ATP2B4: variants seen among roughly 807,000 people sequenced by gnomAD.
The protein encoded by ATP2B4 is plasma membrane calcium-transporting ATPase 4.
ATP2B4 carries 39 observed loss-of-function variants against 110.3 expected under a neutral mutation model. The observed-to-expected ratio is 0.35, with a 90% CI of 0.27 to 0.46. ATP2B4 has a LOEUF of 0.46. Ranked by LOEUF, ATP2B4 falls within the 20% of genes least tolerant of loss-of-function variation. The probability of loss-of-function intolerance (pLI) is 1.00; values close to 1 mark genes in which losing one functional copy is unlikely to be tolerated. For synonymous variants in ATP2B4, 538 were observed against 571.7 expected (o/e 0.94, Z 0.84); for missense variants, 1,135 against 1,530.9 (o/e 0.74, Z 4.32).
chr1:203,728,484 C>T (rs1053559310), intron 20 of ATP2B4, among the ~76,000 whole-genome samples: 3 of 152,162 alleles, frequency 2.0e-5, no homozygotes, highest in Non-Finnish European at 4.4e-5. Context: ...AGAAAACAGG[C>T]GTATTTCTCT....
intron 20 of ATP2B4, among the ~76,000 whole-genome samples, chr1:203,735,024 A>C (rs1666844320): frequency 6.6e-6 from 1 of 151,268 alleles, no homozygotes; most frequent in Admixed American, 6.6e-5. Flanking sequence ...AAAAAAAAAA[A>C]ACGAAGAAAA....
intron 1 of ATP2B4, among the ~76,000 whole-genome samples, chr1:203,645,056 C>T (rs1663751915): frequency 6.6e-6 from 1 of 152,210 alleles, no homozygotes; most frequent in Non-Finnish European, 1.5e-5. Flanking sequence ...TGGAAGGCCA[C>T]ACTGCTTAAC....
rs1417781794 is a variant in ATP2B4, at chr1:203,626,832, G to A, written c.-852G>A. 2 of 150,824 alleles carry A rather than the reference G, an allele frequency of 1.3e-5. No individual in the cohort carries two copies. Among genetic ancestry groups the A allele is most frequent in the South Asian group, 2.1e-4 (1 of 4,738 alleles). 9.3% of individuals were successfully genotyped at this position (150,824 alleles called of 1,614,324 possible). A position where few individuals can be genotyped will look rare whatever the true frequency, so the allele number is the denominator to read the frequency against. Reference sequence around the variant, plus strand: ...GAGCTGGTGAGCAAGAGTCTGGCCCGAGTTAGCTAGAGCTGTTGCCATGAC... The same window carrying A: ...GAGCTGGTGAGCAAGAGTCTGGCCCAAGTTAGCTAGAGCTGTTGCCATGAC... On this transcript the variant is annotated 5_prime_UTR_variant, in exon 1 of 21. Coordinates refer to ENST00000357681, the MANE Select transcript of ATP2B4 (RefSeq NM_001684.5).
rs569363653 is a variant in ATP2B4 at position 203,657,277 on chromosome 1, C to T, written c.-464-25465C>T. On this transcript the variant is annotated intron_variant, in intron 1 of 20. Transcript: ENST00000357681. ...GGTGGTTTTCTTGTAAAGCCATCTC[C>T]GACAAAGCAGAGTTTAGTAACCACC... 719 of 720,640 alleles carry T rather than the reference C, an allele frequency of 1.0e-3. 3 individuals are homozygous for T. Among genetic ancestry groups the T allele is most frequent in the Admixed American group, 8.7e-4 (40 of 46,214 alleles). The allele number at this position is 720,640 out of a possible 1,614,324, so 44.6% of individuals were successfully genotyped here.
rs1214526316 is a variant in ATP2B4 at position 203,724,865 on chromosome 1, C to CTCTTTT, written c.3132+878_3132+879insCTTTTT. 3.4e-3 allele frequency among the ~76,000 whole-genome samples: 349 copies of CTCTTTT among 101,444 alleles called. 37 individuals are homozygous for CTCTTTT. Among genetic ancestry groups the CTCTTTT allele is most frequent in the Middle Eastern group, 6.0e-3 (1 of 168 alleles). The allele number at this position is 101,444 out of a possible 152,430, so 66.6% of individuals were successfully genotyped here. On this transcript the variant is annotated intron_variant, in intron 19 of 20. Coordinates refer to ENST00000357681, the MANE Select transcript of ATP2B4 (RefSeq NM_001684.5). ...ACTGCCTGGGTTTGAATCCAGCTCTCTGTTTTTTTTTTTTTTTTTTTTTTT... is the reference window on the plus strand; with the variant it reads ...ACTGCCTGGGTTTGAATCCAGCTCTCTCTTTTTGTTTTTTTTTTTTTTTTTTTTTTT...
intron 8 of ATP2B4, among the ~76,000 whole-genome samples, chr1:203,704,936 C>T (rs1046954733): frequency 1.3e-4 from 20 of 152,130 alleles, no homozygotes; most frequent in South Asian, 4.2e-4. Context: ...GTGTGGAGCC[C>T]GAGATTCTGC....
chr1:203,722,746 G>C, intron 18 of ATP2B4, 57 bp downstream of exon 18: 1 of 1,553,138 alleles, frequency 6.4e-7, no homozygotes, highest in Non-Finnish European at 8.8e-7. Flanking sequence ...GGCAGAAGCT[G>C]GGAGCCAGGG....
At chr1:203,695,826 A>G (rs1321221890) in intron 2 of ATP2B4, among the ~76,000 whole-genome samples, 1 of 151,854 alleles carries the variant, frequency 6.6e-6, no homozygotes. Flanking sequence ...CTCTGCAAAT[A>G]ATGCTCCCTT....
At chr1:203,681,100 G>A (rs996214989) in intron 1 of ATP2B4, among the ~76,000 whole-genome samples, 4 of 152,166 alleles carry the variant, frequency 2.6e-5, no homozygotes, top group African/African-American at 7.2e-5. Flanking sequence ...GGTTCTTTGT[G>A]GATCTTCTTG....
intron 2 of ATP2B4, among the ~76,000 whole-genome samples, chr1:203,694,281 G>C (rs1170765744): frequency 2.6e-5 from 4 of 152,260 alleles, no homozygotes; most frequent in Non-Finnish European, 5.9e-5. Flanking sequence ...CCCTTGTGGA[G>C]GAGGTGGACA....
At chr1:203,723,148 G>T (rs2102217800) in intron 18 of ATP2B4, among the ~76,000 whole-genome samples, 1 of 151,892 alleles carries the variant, frequency 6.6e-6, no homozygotes, top group Admixed American at 6.6e-5. Flanking sequence ...ATTTGTACAT[G>T]TATATTACAT....
rs1214774776 is a variant in ATP2B4 at position 203,709,438 on chromosome 1, G to A, written c.1695G>A (p.Val565=). 6.2e-6 allele frequency: 10 copies of A among 1,614,100 alleles called. No homozygotes were observed. The highest frequency in any genetic ancestry group is 8.5e-6 in the Non-Finnish European group (10 of 1,180,050). ...NEVPEEKLYK[V]YTFNSVRKSM... ...TGCCCGAGGAGAAGCTCTACAAGGT[G>A]TACACCTTTAACTCAGTGCGCAAGT... The change falls in exon 11 of 21, where the codon GTG becomes GTA. Residue 565 remains valine (V), a synonymous_variant. Coordinates refer to ENST00000357681, the MANE Select transcript of ATP2B4 (RefSeq NM_001684.5).
rs184722315 is a variant in ATP2B4 at position 203,729,500 on chromosome 1, G to A, written c.3309+1929G>A. On this transcript the variant is annotated intron_variant, in intron 20 of 20. Transcript: ENST00000357681. The stretch of plus-strand genomic sequence containing the variant: ...GCTGAGGTTGCAGTGAGCTGAGATC[G>A]CGCCATTACACACCAGCCTGGGCAA... 480 of 385,880 alleles carry A rather than the reference G, an allele frequency of 1.2e-3. 3 individuals carry two copies. The highest frequency in any genetic ancestry group is 9.9e-3 in the African/African-American group (452 of 45,668). 23.9% of individuals were successfully genotyped at this position (385,880 alleles called of 1,614,324 possible).
At chr1:203,722,942 A>G (rs1666380788) in intron 18 of ATP2B4, among the ~76,000 whole-genome samples, 1 of 152,214 alleles carries the variant, frequency 6.6e-6, no homozygotes, top group Non-Finnish European at 1.5e-5. Context: ...AAATCCTTTC[A>G]TGATCTTTCT....
At chr1:203,727,283 A>C (rs1252011871) in intron 19 of ATP2B4, 112 bp from the exon 20 acceptor site, 1 of 1,245,876 alleles carries the variant, frequency 8.0e-7, no homozygotes, top group African/African-American at 1.5e-5. Flanking sequence ...TTCCAGTGGG[A>C]AGGGTGGTAG....
chr1:203,690,446 TG>T (rs1201875702), intron 2 of ATP2B4, among the ~76,000 whole-genome samples: 5 of 152,260 alleles, frequency 3.3e-5, no homozygotes, highest in Admixed American at 3.3e-4. Flanking sequence ...CTCTAACAGA[TG>T]GATGCATGCC....
chr1:203,667,712 T>C (rs1300374745), intron 1 of ATP2B4, among the ~76,000 whole-genome samples: 1 of 152,224 alleles, frequency 6.6e-6, no homozygotes, highest in Non-Finnish European at 1.5e-5. Flanking sequence ...GCCGTGGGAC[T>C]TCCCCCGCAT....
chr1:203,661,011 G>A (rs1216042955), intron 1 of ATP2B4, among the ~76,000 whole-genome samples: 2 of 151,844 alleles, frequency 1.3e-5, no homozygotes, highest in East Asian at 1.9e-4. Context: ...TTGGGAGGCC[G>A]AGGCAGGAGA....
In ATP2B4 at chr1:203,714,263, G is replaced by A. The variant is rs780923088; in HGVS notation, c.2392G>A (p.Val798Ile). Reference protein sequence around the residue: ...NDGPALKKADVGFAMGIAGTD... With the variant: ...NDGPALKKADIGFAMGIAGTD... ...CGGGCCTGCTCTGAAGAAAGCGGAT[G>A]TTGGTTTTGCCATGGTAAGCTCAGC... Residue 798 changes from valine to isoleucine, a missense_variant, in exon 15 of 21, where the codon GTT (valine) becomes ATT (isoleucine). Around this residue, in one of 9 missense-constraint regions of ATP2B4, gnomAD observed 70 missense variants for 142.4 expected, o/e 0.49. Coordinates refer to ENST00000357681, the MANE Select transcript of ATP2B4 (RefSeq NM_001684.5). The A allele has an allele frequency of 1.9e-6, 3 of 1,614,040 alleles. No homozygotes were observed. Among genetic ancestry groups the A allele is most frequent in the Non-Finnish European group, 2.5e-6 (3 of 1,180,032 alleles).
Sources: gnomAD v4.1 joint callset for allele counts (sites outside exome capture counted in the v4.1 genomes callset) on GRCh38, gnomAD v4.1.1 for gene constraint, gnomAD v4.1.1 regional missense constraint, MANE v1.5 for transcripts, NCBI Gene and HGNC (gene_info 2026-07-23, HGNC 2026-07-21) for gene names.